Variants in NT5DC1 observed in about 807,000 individuals in gnomAD.
NT5DC1 encodes the protein 5'-nucleotidase domain containing 1.
NT5DC1 carries 42 observed loss-of-function variants against 59.4 expected under a neutral mutation model. The ratio of observed to expected loss-of-function variants is 0.71; its 90% CI spans 0.55 to 0.92. The LOEUF (loss-of-function observed/expected upper bound fraction) is 0.92. NT5DC1 is among the 40% of genes least tolerant of loss of function. The pLI is 0.00. For missense variants in NT5DC1, 501 were observed against 537.1 expected, an observed-to-expected ratio of 0.93 and a Z score of 0.66; for synonymous variants, 172 against 188.1, an observed-to-expected ratio of 0.91 and a Z score of 0.70.
intron 6 of NT5DC1, among the ~76,000 whole-genome samples, chr6:116,182,368 G>C (rs1780903115): frequency 6.6e-6 from 1 of 151,914 alleles, no homozygotes; most frequent in African/African-American, 2.4e-5. Flanking sequence ...TATCTGTTTT[G>C]TATAATGACT....
intron 6 of NT5DC1, among the ~76,000 whole-genome samples, chr6:116,151,843 A>T (rs982625543): frequency 6.6e-6 from 1 of 152,200 alleles, no homozygotes; most frequent in African/African-American, 2.4e-5. Context: ...GTTTATTGAG[A>T]TATTAATAAA....
intron 6 of NT5DC1, chr6:116,121,394 C>T: frequency 6.2e-7 from 1 of 1,614,146 alleles, no homozygotes; most frequent in Non-Finnish European, 8.5e-7. Flanking sequence ...TCCCATTTCT[C>T]CCGGAAAACC....
intron 6 of NT5DC1, among the ~76,000 whole-genome samples, chr6:116,195,291 G>A (rs907039187): frequency 3.9e-5 from 6 of 151,964 alleles, no homozygotes; most frequent in Admixed American, 2.0e-4. Flanking sequence ...TCACAATTTC[G>A]CTATTAAAAT....
At chr6:116,160,073 C>T (rs1161756040) in intron 6 of NT5DC1, among the ~76,000 whole-genome samples, 1 of 152,102 alleles carries the variant, frequency 6.6e-6, no homozygotes, top group Admixed American at 6.6e-5. Flanking sequence ...GCTCAATAAA[C>T]ATATAAGTAC....
chr6:116,202,173 G>A (rs990622166), intron 6 of NT5DC1, among the ~76,000 whole-genome samples: 2 of 152,002 alleles, frequency 1.3e-5, no homozygotes, highest in Admixed American at 1.3e-4. Flanking sequence ...AGTCTAGACA[G>A]TGTAGGAATC....
intron 6 of NT5DC1, among the ~76,000 whole-genome samples, chr6:116,149,162 G>A (rs1289194103): frequency 2.0e-5 from 3 of 152,122 alleles, no homozygotes; most frequent in Non-Finnish European, 2.9e-5. Context: ...GGACATTTTG[G>A]AGTAATTATA....
intron 6 of NT5DC1, among the ~76,000 whole-genome samples, chr6:116,124,469 A>C (rs1490256350): frequency 2.0e-5 from 3 of 152,198 alleles, no homozygotes; most frequent in Non-Finnish European, 4.4e-5. Flanking sequence ...TTCAAAGAGT[A>C]ACCAAGAAAA....
intron 6 of NT5DC1, among the ~76,000 whole-genome samples, chr6:116,153,100 T>G (rs967108444): frequency 2.6e-5 from 4 of 151,930 alleles, no homozygotes; most frequent in African/African-American, 9.7e-5. Context: ...CCCTGATATA[T>G]TAATATAAAA....
At chr6:116,174,509 A>G (rs1160244029) in intron 6 of NT5DC1, among the ~76,000 whole-genome samples, 1 of 152,238 alleles carries the variant, frequency 6.6e-6, no homozygotes, top group Non-Finnish European at 1.5e-5. Flanking sequence ...CACTGAATAT[A>G]AAATTTAGAG....
intron 6 of NT5DC1, among the ~76,000 whole-genome samples, chr6:116,140,665 C>T (rs1382990382): frequency 6.6e-6 from 1 of 151,984 alleles, no homozygotes; most frequent in Non-Finnish European, 1.5e-5. Context: ...GAAAGTATAC[C>T]ACTCCACATC....
intron 8 of NT5DC1, among the ~76,000 whole-genome samples, chr6:116,232,651 C>T (rs553948715): frequency 6.6e-6 from 1 of 152,194 alleles, no homozygotes; most frequent in South Asian, 2.1e-4. Flanking sequence ...CAAAACTTCT[C>T]ACAGATTCTG....
chr6:116,113,264 T>G (rs1363276147), intron 4 of NT5DC1, among the ~76,000 whole-genome samples: 2 of 152,248 alleles, frequency 1.3e-5, no homozygotes, highest in Admixed American at 6.5e-5. Context: ...AATACCACCT[T>G]TGCAGAAGTG....
At chr6:116,211,512 G>T (rs1781577030) in intron 6 of NT5DC1, among the ~76,000 whole-genome samples, 1 of 151,920 alleles carries the variant, frequency 6.6e-6, no homozygotes, top group South Asian at 2.1e-4. Flanking sequence ...TGTATTTTAT[G>T]TATGTTTTTA....
At chr6:116,178,551 A>G (rs1436849768) in intron 6 of NT5DC1, among the ~76,000 whole-genome samples, 1 of 152,196 alleles carries the variant, frequency 6.6e-6, no homozygotes, top group African/African-American at 2.4e-5. Flanking sequence ...AGAAGTCATA[A>G]CTAGTGTCAG....
At chr6:116,114,419 C>T (rs538160121) in intron 4 of NT5DC1, among the ~76,000 whole-genome samples, 1 of 150,750 alleles carries the variant, frequency 6.6e-6, no homozygotes, top group African/African-American at 2.4e-5. Flanking sequence ...CTCATTCATT[C>T]ATTCAGCAAA....
chr6:116,199,309 C>T (rs1397210208), intron 6 of NT5DC1, among the ~76,000 whole-genome samples: 1 of 151,984 alleles, frequency 6.6e-6, no homozygotes, highest in Non-Finnish European at 1.5e-5. Context: ...TTAATCTGGT[C>T]TTTGATGCTG....
intron 6 of NT5DC1, among the ~76,000 whole-genome samples, chr6:116,118,451 G>C (rs545056603): frequency 6.6e-6 from 1 of 152,208 alleles, no homozygotes; most frequent in East Asian, 1.9e-4. Flanking sequence ...TGCTTCTAAG[G>C]AATAAATAGA....
intron 6 of NT5DC1, among the ~76,000 whole-genome samples, chr6:116,163,141 A>AAAAAAAATATATATATATATATAT (rs761718922): frequency 1.1e-5 from 1 of 88,408 alleles, no homozygotes; most frequent in African/African-American, 5.8e-5. Flanking sequence ...AAAAAAAAAA[A>AAAAAAAATATATATATATATATAT]ATATATATAT....
chr6:116,147,208 C>T (rs955505235), intron 6 of NT5DC1, among the ~76,000 whole-genome samples: 10 of 151,634 alleles, frequency 6.6e-5, no homozygotes, highest in African/African-American at 2.4e-4. Flanking sequence ...TGGGAGGCCA[C>T]GGTGGGCAGA....
Sources: allele counts gnomAD v4.1 joint callset (sites outside exome capture counted in the v4.1 genomes callset), GRCh38; gene constraint gnomAD v4.1.1; transcripts MANE v1.5; gene names NCBI Gene and HGNC (gene_info 2026-07-23, HGNC 2026-07-21).